ZNF8: variants seen among roughly 807,000 people sequenced by gnomAD.
ZNF8 encodes the protein zinc finger protein 272.
ZNF8 carries 9 observed loss-of-function variants against 12.2 expected under a neutral mutation model. The ratio of observed to expected loss-of-function variants is 0.73; its 90% CI spans 0.44 to 1.28. The LOEUF is 1.28. ZNF8 is among the 50% of genes most tolerant of loss of function. The probability of loss-of-function intolerance (pLI) is 0.00; values close to 1 mark genes in which losing one functional copy is unlikely to be tolerated. For synonymous variants in ZNF8, 274 were observed against 282.3 expected (o/e 0.97, Z 0.30); for missense variants, 664 against 729.1 (o/e 0.91, Z 1.03).
intron 3 of ZNF8, among the ~76,000 whole-genome samples, chr19:58,292,286 CT>C (rs2051424398): frequency 6.6e-6 from 1 of 152,126 alleles, no homozygotes; most frequent in African/African-American, 2.4e-5. Flanking sequence ...ACATTTATTT[CT>C]CACGGTTCTG....
Position 58,294,981 on chromosome 19 carries a change from C to A in ZNF8, c.1173C>A (p.His391Gln). ...TTCLFLHLRT[H>Q]TEERPYECNH... Reference sequence around the variant, plus strand: ...GCCTTTTCCTGCACCTGAGAACTCACACCGAGGAGAGGCCCTACGAGTGTA... The same window carrying A: ...GCCTTTTCCTGCACCTGAGAACTCAAACCGAGGAGAGGCCCTACGAGTGTA... The change falls in exon 4 of 4, where the codon CAC (histidine) becomes CAA (glutamine). Residue 391 changes from histidine to glutamine, a missense_variant. Around this residue, in one of 3 missense-constraint regions of ZNF8, gnomAD observed 133 missense variants for 198.4 expected, o/e 0.67. Coordinates refer to ENST00000621650, the MANE Select transcript of ZNF8 (RefSeq NM_021089.3). This position sits in a 1 kb window ranked among gnomAD's most constrained non-coding sequence, Gnocchi z 5.5. 6.2e-7 allele frequency: 1 copy of A among 1,614,124 alleles called. No homozygotes were observed. Among genetic ancestry groups the A allele is most frequent in the Non-Finnish European group, 8.5e-7 (1 of 1,179,968 alleles).
At chr19:58,293,574 CT>C (rs1056409355) in intron 3 of ZNF8, among the ~76,000 whole-genome samples, 4 of 152,154 alleles carry the variant, frequency 2.6e-5, no homozygotes, top group Non-Finnish European at 5.9e-5. Flanking sequence ...ATCCCCAGAA[CT>C]GGTTATCTTG....
Position 58,294,834 on chromosome 19 carries a change from G to A in ZNF8, c.1026G>A (p.Glu342=). ...RRIHTGEKPY[E]CQDCGRAFNQ... ...TTCACACTGGGGAGAAGCCCTATGA[G>A]TGTCAGGACTGTGGGAGGGCCTTCA... Residue 342 remains glutamate, a synonymous_variant, in exon 4 of 4, where the codon GAG becomes GAA. Transcript: ENST00000621650. This position sits in a 1 kb window ranked among gnomAD's most constrained non-coding sequence, Gnocchi z 5.5. 1 of 1,614,176 alleles carries A rather than the reference G, an allele frequency of 6.2e-7. No homozygotes were observed. Among genetic ancestry groups the A allele is most frequent in the Non-Finnish European group, 8.5e-7 (1 of 1,180,018 alleles).
intron 1 of ZNF8, chr19:58,280,394 A>C (rs2051342895): frequency 6.4e-6 from 1 of 155,700 alleles, no homozygotes; most frequent in Admixed American, 6.4e-5. Context: ...CAAGTGATCC[A>C]GGAGAGGGCA....
chr19:58,301,878 C>T lies in ZNF8; in HGVS notation c.*6342C>T, dbSNP rs1409288293. On this transcript the variant is annotated 3_prime_UTR_variant, in exon 4 of 4. Transcript: ENST00000621650. ...TCACCAAACCTGCTGGGAATGAATC[C>T]TACATATATATTTATATGTGTGCAG... is the stretch of plus-strand genomic sequence containing the variant. The T allele has an allele frequency of 6.6e-6, 1 of 152,156 alleles. No homozygotes were observed. The highest frequency in any genetic ancestry group is 1.5e-5 in the Non-Finnish European group (1 of 68,012). 9.4% of individuals were successfully genotyped at this position (152,156 alleles called of 1,614,324 possible).
intron 3 of ZNF8, among the ~76,000 whole-genome samples, chr19:58,292,059 G>A (rs1012086748): frequency 6.6e-6 from 1 of 152,140 alleles, no homozygotes; most frequent in Non-Finnish European, 1.5e-5. Context: ...CAGTGGGGAG[G>A]AGGGTGGGTC....
At position 58,295,570 on chromosome 19, in the gene ZNF8, G is replaced by C; in HGVS notation, c.*34G>C. ...CTTTGCTGATGACTTTTAACCACAA[G>C]TAAAAAATGTGGTAAGTCCACATAG... On this transcript the variant is annotated 3_prime_UTR_variant, in exon 4 of 4. Coordinates refer to ENST00000621650, the MANE Select transcript of ZNF8 (RefSeq NM_021089.3). The C allele has an allele frequency of 6.6e-7, 1 of 1,518,090 alleles. No homozygotes were observed. Among genetic ancestry groups the C allele is most frequent in the Non-Finnish European group, 8.9e-7 (1 of 1,119,356 alleles). 94.0% of individuals were successfully genotyped at this position (1,518,090 alleles called of 1,614,324 possible). A position where few individuals can be genotyped will look rare whatever the true frequency, so the allele number is the denominator to read the frequency against.
chr19:58,282,434 G>T (rs191765743), intron 1 of ZNF8, among the ~76,000 whole-genome samples: 136 of 152,188 alleles, frequency 8.9e-4, no homozygotes, highest in African/African-American at 3.2e-3. Flanking sequence ...TCTGTGAGTT[G>T]TCTTTTCACT....
At chr19:58,285,665 A>G in intron 1 of ZNF8, 52 bp from the exon 2 acceptor site, 1 of 1,613,958 alleles carries the variant, frequency 6.2e-7, no homozygotes, top group Admixed American at 1.7e-5. Context: ...CCTCTGCCAG[A>G]AAGCACTGAT....
At chr19:58,279,528 C>T in intron 1 of ZNF8, 1 of 1,502,852 alleles carries the variant, frequency 6.7e-7, no homozygotes, top group South Asian at 1.2e-5. Flanking sequence ...TGGCCGGGTG[C>T]CCAGATGGCA....
In ZNF8 at chr19:58,302,101, T is replaced by C. The variant is rs2051494718; in HGVS notation, c.*6565T>C. On this transcript the variant is annotated 3_prime_UTR_variant, in exon 4 of 4. Transcript: ENST00000621650. ...ACCAGAAGTGTTTCAGATCTTTGCA[T>C]ATTTTCTGTTTCTCATTTCAGTTCA... The C allele has an allele frequency of 6.6e-6, 1 of 152,182 alleles. No homozygotes were observed. The highest frequency in any genetic ancestry group is 1.5e-5 in the Non-Finnish European group (1 of 68,030). 9.4% of individuals were successfully genotyped at this position (152,182 alleles called of 1,614,324 possible). A position where few individuals can be genotyped will look rare whatever the true frequency, so the allele number is the denominator to read the frequency against.
intron 1 of ZNF8, among the ~76,000 whole-genome samples, chr19:58,284,553 A>G (rs2147954949): frequency 6.6e-6 from 1 of 152,288 alleles, no homozygotes; most frequent in African/African-American, 2.4e-5. Context: ...AAAAATCAGA[A>G]TTTTTCACGT....
Position 58,295,296 on chromosome 19 carries a change from T to C in ZNF8, c.1488T>C (p.His496=). The change falls in exon 4 of 4, where the codon CAT becomes CAC. Residue 496 remains histidine, a synonymous_variant. Transcript: ENST00000621650. Reference sequence around the variant, plus strand: ...CTCACACCAGAGAGGAGCAGCCCCATGGGCGAAGCCGGCGGCGTGAACAAT... The same window carrying C: ...CTCACACCAGAGAGGAGCAGCCCCACGGGCGAAGCCGGCGGCGTGAACAAT... ...QITHTREEQP[H]GRSRRREQSS... 2 of 1,614,198 alleles carry C rather than the reference T, an allele frequency of 1.2e-6. No homozygotes were observed. Among genetic ancestry groups the C allele is most frequent in the Non-Finnish European group, 1.7e-6 (2 of 1,180,018 alleles).
intron 1 of ZNF8, among the ~76,000 whole-genome samples, chr19:58,284,097 A>G (rs1184825439): frequency 6.6e-6 from 1 of 151,940 alleles, no homozygotes; most frequent in East Asian, 2.0e-4. Flanking sequence ...GGTGGCGTGC[A>G]CCTGTAGTCC....
chr19:58,292,783 G>A (rs1023280543), intron 3 of ZNF8, among the ~76,000 whole-genome samples: 5 of 152,114 alleles, frequency 3.3e-5, no homozygotes, highest in Non-Finnish European at 5.9e-5. Context: ...ATAATATCCC[G>A]TCGTATGGAT....
rs2051468290 is a variant in ZNF8 at position 58,298,204 on chromosome 19, T to C, written c.*2668T>C. ...GCCATCTTGCCCAGCTACTTTTTTGTATTTTTAGTAGAGATGGGGTTTCAC... is the reference window on the plus strand; with the variant it reads ...GCCATCTTGCCCAGCTACTTTTTTGCATTTTTAGTAGAGATGGGGTTTCAC... On this transcript the variant is annotated 3_prime_UTR_variant, in exon 4 of 4. Transcript: ENST00000621650. 6.6e-6 allele frequency: 1 copy of C among 152,088 alleles called. No homozygotes were observed. The highest frequency in any genetic ancestry group is 6.5e-5 in the Admixed American group (1 of 15,292). The allele number at this position is 152,088 out of a possible 1,614,324, so 9.4% of individuals were successfully genotyped here. A position where few individuals can be genotyped will look rare whatever the true frequency, so the allele number is the denominator to read the frequency against.
rs1035307965 is a variant in ZNF8 at position 58,297,476 on chromosome 19, A to G, written c.*1940A>G. On this transcript the variant is annotated 3_prime_UTR_variant, in exon 4 of 4. Coordinates refer to ENST00000621650, the MANE Select transcript of ZNF8 (RefSeq NM_021089.3). ...TGCCCAGGCTGGAGTCAGTGTTGTA[A>G]TCACTGCTCACTTGGCAGCCTCGAC... The G allele has an allele frequency of 2.0e-5, 3 of 151,766 alleles. No homozygotes were observed. The highest frequency in any genetic ancestry group is 4.4e-5 in the Non-Finnish European group (3 of 67,958). 9.4% of individuals were successfully genotyped at this position (151,766 alleles called of 1,614,324 possible).
In ZNF8 at chr19:58,295,594, A is replaced by AT; in HGVS notation, c.*58_*59insT. The AT allele has an allele frequency of 7.4e-7, 1 of 1,353,438 alleles. No homozygotes were observed. The highest frequency in any genetic ancestry group is 1.0e-6 in the Non-Finnish European group (1 of 981,226). 83.8% of individuals were successfully genotyped at this position (1,353,438 alleles called of 1,614,324 possible). On this transcript the variant is annotated 3_prime_UTR_variant, in exon 4 of 4. Coordinates refer to ENST00000621650, the MANE Select transcript of ZNF8 (RefSeq NM_021089.3). Reference sequence around the variant, plus strand: ...AGTAAAAAATGTGGTAAGTCCACATAGTGTACTCATGGAAGGAGGGGCTGG... The same window carrying AT: ...AGTAAAAAATGTGGTAAGTCCACATATGTGTACTCATGGAAGGAGGGGCTGG...
At position 58,284,168 on chromosome 19, in the gene ZNF8, G is replaced by C. The variant is rs113152068; in HGVS notation, c.67-1549G>C. Reference sequence around the variant, plus strand: ...GAATCCGGGAGGCAGAGGTTGCAGTGAGCCAAGATTGTGCCACTGCACTCC... The same window carrying C: ...GAATCCGGGAGGCAGAGGTTGCAGTCAGCCAAGATTGTGCCACTGCACTCC... On this transcript the variant is annotated intron_variant, in intron 1 of 3. Transcript: ENST00000621650. 5.2e-3 allele frequency among the ~76,000 whole-genome samples: 793 copies of C among 152,024 alleles called. 13 individuals carry two copies. The highest frequency in any genetic ancestry group is 0.018 in the African/African-American group (728 of 41,460).
Sources: gnomAD v4.1 joint callset for allele counts (sites outside exome capture counted in the v4.1 genomes callset) on GRCh38, gnomAD v4.1.1 for gene constraint, gnomAD v4.1.1 regional missense constraint, Gnocchi (gnomAD v3.1) non-coding constraint, MANE v1.5 for transcripts, NCBI Gene and HGNC (gene_info 2026-07-23, HGNC 2026-07-21) for gene names.